EFHB: variants seen among roughly 807,000 people sequenced by gnomAD.
The protein encoded by EFHB is EF-hand domain-containing family member B.
EFHB carries 91 observed loss-of-function variants against 87.2 expected under a neutral mutation model. That is an observed-to-expected ratio of 1.04 (90% CI 0.88 to 1.24). EFHB has a LOEUF of 1.24. EFHB is among the 50% of genes most tolerant of loss of function. The pLI is 0.00. For missense variants in EFHB, 1,084 were observed against 998.8 expected (o/e 1.09, Z -1.15); for synonymous variants, 325 against 333.6 (o/e 0.97, Z 0.28).
At chr3:19,940,114 T>TAC (rs1696122858) in intron 1 of EFHB, among the ~76,000 whole-genome samples, 1 of 152,218 alleles carries the variant, frequency 6.6e-6, no homozygotes, top group African/African-American at 2.4e-5. Context: ...TTTATGAGAT[T>TAC]ACAGGCCTTT....
upstream of EFHB, among the ~76,000 whole-genome samples, chr3:19,938,615 A>G (rs1696076700): frequency 6.6e-6 from 1 of 152,236 alleles, no homozygotes; most frequent in East Asian, 1.9e-4. Context: ...GTGGGTCAAC[A>G]TCTCTGGTAT....
rs536838707 is a variant in EFHB at position 19,933,559 on chromosome 3, C to T, written c.460G>A (p.Val154Ile). 88 of 1,613,882 alleles carry T rather than the reference C, an allele frequency of 5.5e-5. 1 individual carries two copies. In the South Asian group the frequency reaches 9.3e-4, roughly 17 times the overall value. The change falls in exon 1 of 13, where the codon GTA (valine) becomes ATA (isoleucine). Residue 154 changes from valine to isoleucine, a missense_variant. Coordinates refer to ENST00000295824, the MANE Select transcript of EFHB (RefSeq NM_144715.4). ...GCAGGCTTTCCCACTAATTCCTCTACCCCTTCAGGGCCACTAGCCAAAGGA... is the reference window on the plus strand; with the variant it reads ...GCAGGCTTTCCCACTAATTCCTCTATCCCTTCAGGGCCACTAGCCAAAGGA... Reference protein sequence around the residue: ...RAPLASGPEGVEELVGKPAFV... With the variant: ...RAPLASGPEGIEELVGKPAFV...
intron 9 of EFHB, among the ~76,000 whole-genome samples, chr3:19,895,765 TTG>T (rs1293782382): frequency 7.9e-5 from 12 of 152,272 alleles, no homozygotes; most frequent in Admixed American, 1.3e-4. Context: ...ATTATTTCCT[TTG>T]TCAAGACTGA....
chr3:19,901,020 G>A (rs1339536478), intron 6 of EFHB, among the ~76,000 whole-genome samples: 3 of 152,130 alleles, frequency 2.0e-5, no homozygotes, highest in Non-Finnish European at 4.4e-5. Flanking sequence ...AAAATGTTCA[G>A]TTGTGGAGGG....
intron 2 of EFHB, 103 bp from the exon 3 acceptor site, chr3:19,920,079 A>AC: frequency 1.4e-5 from 17 of 1,183,374 alleles, no homozygotes; most frequent in Non-Finnish European, 1.9e-5. Flanking sequence ...GCATGTATGT[A>AC]GTAAATGCAT....
Position 19,933,679 on chromosome 3 carries a change from C to G in EFHB, c.340G>C (p.Glu114Gln). 1.2e-6 allele frequency: 2 copies of G among 1,614,032 alleles called. No homozygotes were observed. The highest frequency in any genetic ancestry group is 1.7e-6 in the Non-Finnish European group (2 of 1,179,900). The change falls in exon 1 of 13, where the codon GAG becomes CAG. Residue 114 changes from glutamate (E) to glutamine (Q), a missense_variant. Transcript: ENST00000295824. ...TGGGTATATCCTGCAAGAAGACTCT[C>G]ATTTTCTAACCCCATTCTTCCTGGC... ...LLPGRMGLEN[E>Q]SLLAGYTHER...
intron 4 of EFHB, among the ~76,000 whole-genome samples, chr3:19,916,527 AATTC>A (rs746043536): frequency 7.3e-5 from 11 of 151,618 alleles, no homozygotes; most frequent in Non-Finnish European, 1.5e-4. Context: ...AAAAAAAATT[AATTC>A]ATTAATTAAT....
intron 1 of EFHB, among the ~76,000 whole-genome samples, chr3:19,926,986 C>T (rs1695654152): frequency 6.6e-6 from 1 of 152,180 alleles, no homozygotes; most frequent in African/African-American, 2.4e-5. Flanking sequence ...AATAGGATCT[C>T]ACTCTGTCAA....
intron 11 of EFHB, among the ~76,000 whole-genome samples, chr3:19,884,099 C>T (rs1340470976): frequency 5.3e-5 from 8 of 152,102 alleles, no homozygotes; most frequent in Non-Finnish European, 2.9e-5. Flanking sequence ...GTTTTAAAAT[C>T]GTCTAATATT....
At chr3:19,902,837 T>A (rs1348054407) in intron 6 of EFHB, among the ~76,000 whole-genome samples, 1 of 152,128 alleles carries the variant, frequency 6.6e-6, no homozygotes, top group Non-Finnish European at 1.5e-5. Context: ...ACCAAAAGAA[T>A]AAAGAATTTC....
At chr3:19,892,889 T>TAAG (rs79080019) in intron 9 of EFHB, among the ~76,000 whole-genome samples, 2,940 of 147,814 alleles carry the variant, frequency 0.02, 82 homozygotes, top group African/African-American at 0.064. Flanking sequence ...AATAAAATAA[T>TAAG]ATAAAATCAG....
chr3:19,918,300 T>A lies in EFHB; in HGVS notation c.1109A>T (p.Asp370Val). 6.2e-7 allele frequency: 1 copy of A among 1,613,682 alleles called. No homozygotes were observed. Among genetic ancestry groups the A allele is most frequent in the Non-Finnish European group, 8.5e-7 (1 of 1,179,804 alleles). ...GCCTTTTGGTAATCCTGGTGCTTGA[T>A]CGTGAGATTTTCCTAATGGTGCTCG... ...NRRAPLGKSH[D>V]QAPGLPKGMD... Residue 370 changes from aspartate to valine, a missense_variant, in exon 4 of 13, where the codon GAT becomes GTT. Coordinates refer to ENST00000295824, the MANE Select transcript of EFHB (RefSeq NM_144715.4).
chr3:19,905,693 CAT>C lies in EFHB; in HGVS notation c.1343_1344del (p.Tyr448TrpfsTer8). ...NPSSFHRCSV[Y>X]GVPTPHFNDG... Reference sequence around the variant, plus strand: ...TCATTAAAATGTGGTGTTGGTACTCCATACACACTACACCTATGGAAACTTGA... The same window carrying C: ...TCATTAAAATGTGGTGTTGGTACTCCACACACTACACCTATGGAAACTTGA... On this transcript the variant is annotated frameshift_variant, in exon 6 of 13. Coordinates refer to ENST00000295824, the MANE Select transcript of EFHB (RefSeq NM_144715.4). LOFTEE classifies it high-confidence loss of function. 1 of 1,613,748 alleles carries C rather than the reference CAT, an allele frequency of 6.2e-7. No homozygotes were observed. The highest frequency in any genetic ancestry group is 8.5e-7 in the Non-Finnish European group (1 of 1,179,768).
In EFHB at chr3:19,879,742, C is replaced by G. The variant is rs1248632450; in HGVS notation, c.2391G>C (p.Trp797Cys). Residue 797 changes from tryptophan to cysteine, a missense_variant, in exon 13 of 13, where the codon TGG becomes TGC. Coordinates refer to ENST00000295824, the MANE Select transcript of EFHB (RefSeq NM_144715.4). ...KLSDEEFENVWNLASKKHHRG... is the reference protein window; with the variant it reads ...KLSDEEFENVCNLASKKHHRG... ...TGTGATGCTTTTTTGATGCAAGATT[C>G]CATACATTTTCAAATTCTTCATCAG... is the stretch of plus-strand genomic sequence containing the variant. The G allele has an allele frequency of 1.2e-6, 2 of 1,610,016 alleles. No homozygotes were observed. The highest frequency in any genetic ancestry group is 2.7e-5 in the African/African-American group (2 of 74,842).
At chr3:19,943,032 C>T (rs1696195233) in intron 1 of EFHB, 2 of 317,106 alleles carry the variant, frequency 6.3e-6, no homozygotes, top group African/African-American at 2.2e-5. Context: ...TTATTCACTA[C>T]CATGAAGGGC....
intron 9 of EFHB, among the ~76,000 whole-genome samples, chr3:19,893,863 T>C (rs530622539): frequency 3.3e-5 from 5 of 152,310 alleles, no homozygotes; most frequent in African/African-American, 1.2e-4. Context: ...AAACAAGGAC[T>C]ATACACAATT....
intron 9 of EFHB, among the ~76,000 whole-genome samples, chr3:19,891,998 A>G (rs1342708171): frequency 6.6e-6 from 1 of 152,180 alleles, no homozygotes; most frequent in Non-Finnish European, 1.5e-5. Context: ...GACTGACTAC[A>G]GTGAACCTCT....
chr3:19,941,941 A>G (rs1696169153), intron 1 of EFHB, among the ~76,000 whole-genome samples: 1 of 150,962 alleles, frequency 6.6e-6, no homozygotes, highest in African/African-American at 2.4e-5. Flanking sequence ...GATCACCTGA[A>G]GTCAGGTGTT....
chr3:19,907,801 A>C (rs1694889121), intron 5 of EFHB, among the ~76,000 whole-genome samples: 1 of 152,254 alleles, frequency 6.6e-6, no homozygotes, highest in Non-Finnish European at 1.5e-5. Context: ...CAGCCTCACT[A>C]GTAACTCAAA....
Sources: allele counts gnomAD v4.1 joint callset (sites outside exome capture counted in the v4.1 genomes callset), GRCh38; gene constraint gnomAD v4.1.1; transcripts MANE v1.5; gene names NCBI Gene and HGNC (gene_info 2026-07-23, HGNC 2026-07-21).